STS: variants seen among roughly 807,000 people sequenced by gnomAD.
STS encodes steroid sulfatase.
A neutral mutation model predicts 26.8 loss-of-function variants in STS; 7 were observed. The ratio of observed to expected loss-of-function variants is 0.26; its 90% CI spans 0.15 to 0.49. The LOEUF is 0.49. Among genes scored for constraint, STS ranks in the 20% least tolerant of loss-of-function variants. STS has a pLI of 0.98. For missense variants in STS, 434 were observed against 465.6 expected, an observed-to-expected ratio of 0.93 and a Z score of 0.63; for synonymous variants, 199 against 189.4, an observed-to-expected ratio of 1.05 and a Z score of -0.42.
chrX:7,332,217 T>C (rs1381612744), intron 9 of STS, among the ~76,000 whole-genome samples: 2 of 108,412 alleles, frequency 1.8e-5, no homozygotes, highest in South Asian at 4.1e-4. Context: ...TGTAGTCCCA[T>C]GTACTTGGGA....
At chrX:7,269,639 A>G (rs1210443031) in intron 6 of STS, among the ~76,000 whole-genome samples, 1 of 110,580 alleles carries the variant, frequency 9.0e-6, no homozygotes, top group Non-Finnish European at 1.9e-5. Context: ...GGTGCCTGGT[A>G]TTGTGTGTCA....
At chrX:7,329,381 C>G (rs1196640192) in intron 9 of STS, among the ~76,000 whole-genome samples, 4 of 111,821 alleles carry the variant, frequency 3.6e-5, no homozygotes, top group Non-Finnish European at 7.5e-5. Flanking sequence ...GTGCTGACGT[C>G]GAGAAATCCT....
intron 10 of STS, among the ~76,000 whole-genome samples, chrX:7,348,837 A>G (rs995331790): frequency 1.8e-5 from 2 of 112,205 alleles, no homozygotes; most frequent in Non-Finnish European, 3.8e-5. Flanking sequence ...TAGAAAATGT[A>G]TAGAGTTGAG....
At chrX:7,279,323 G>GTGTGTGTGTGTGTGTA (rs1222931876) in intron 7 of STS, among the ~76,000 whole-genome samples, 1 of 41,706 alleles carries the variant, frequency 2.4e-5, no homozygotes, top group African/African-American at 6.9e-5. Context: ...GTGTGTGTGT[G>GTGTGTGTGTGTGTGTA]TGTGTGTGTG....
intron 6 of STS, among the ~76,000 whole-genome samples, chrX:7,270,804 A>G (rs1450796694): frequency 9.0e-6 from 1 of 111,406 alleles, no homozygotes; most frequent in Non-Finnish European, 1.9e-5. Context: ...CCTTGATTGA[A>G]CCCTGAAGCT....
chrX:7,334,701 C>T (rs1021129074), intron 10 of STS, among the ~76,000 whole-genome samples: 2 of 112,533 alleles, frequency 1.8e-5, no homozygotes, highest in Admixed American at 9.4e-5. Context: ...CTTTCCCAGC[C>T]TAAAGATGAT....
chrX:7,350,403 G>C lies in STS; in HGVS notation c.*142G>C. The C allele has an allele frequency of 1.2e-6, 1 of 864,471 alleles. No individual in the cohort carries two copies. The highest frequency in any genetic ancestry group is 2.8e-5 in the Admixed American group (1 of 35,844). 71.2% of individuals were successfully genotyped at this position (864,471 alleles called of 1,213,427 possible). A position where few individuals can be genotyped will look rare whatever the true frequency, so the allele number is the denominator to read the frequency against. ...TCTCCATTTTATCACCTGAAGGCTT[G>C]GGCCAGAGCTCAACAGCTACTCAAC... On this transcript the variant is annotated 3_prime_UTR_variant, in exon 11 of 11. Coordinates refer to ENST00000674429, the MANE Select transcript of STS (RefSeq NM_001320752.2).
intron 2 of STS, among the ~76,000 whole-genome samples, chrX:7,195,863 A>G (rs1379631957): frequency 1.8e-5 from 2 of 111,832 alleles, no homozygotes; most frequent in African/African-American, 6.5e-5. Flanking sequence ...AACAATGACA[A>G]CCATTACTTT....
chrX:7,335,575 G>C (rs1927979099), intron 10 of STS, among the ~76,000 whole-genome samples: 1 of 111,726 alleles, frequency 9.0e-6, no homozygotes, highest in South Asian at 3.8e-4. Context: ...TCACTCTGAT[G>C]GTAGTTTCTT....
At chrX:7,175,886 C>T (rs760565926) in intron 1 of STS, among the ~76,000 whole-genome samples, 1 of 110,921 alleles carries the variant, frequency 9.0e-6, no homozygotes, top group African/African-American at 3.3e-5. Flanking sequence ...TTGAATTTAC[C>T]TCCACTCTGT....
chrX:7,264,309 G>T (rs1162292355), intron 6 of STS, among the ~76,000 whole-genome samples: 1 of 112,477 alleles, frequency 8.9e-6, no homozygotes, highest in Admixed American at 9.4e-5. Flanking sequence ...GAGGAAGGAA[G>T]ACTTCAAGCT....
At chrX:7,176,488 G>A (rs1327608627) in intron 1 of STS, among the ~76,000 whole-genome samples, 1 of 111,874 alleles carries the variant, frequency 8.9e-6, no homozygotes, top group Admixed American at 9.5e-5. Flanking sequence ...ATGTCTTTGT[G>A]TATCTCTACA....
chrX:7,194,487 C>T (rs1933935313), intron 2 of STS, among the ~76,000 whole-genome samples: 2 of 111,410 alleles, frequency 1.8e-5, no homozygotes, highest in South Asian at 7.5e-4. Flanking sequence ...TAGGTCTTAG[C>T]AGAATGCAGG....
intron 8 of STS, among the ~76,000 whole-genome samples, chrX:7,318,124 G>A (rs1926800431): frequency 9.0e-6 from 1 of 111,700 alleles, no homozygotes; most frequent in African/African-American, 3.3e-5. Context: ...ATAAAGTCAC[G>A]AGTTTGAATG....
chrX:7,209,124 C>T (rs1920973873), intron 2 of STS, among the ~76,000 whole-genome samples: 4 of 111,181 alleles, frequency 3.6e-5, no homozygotes, highest in Non-Finnish European at 7.5e-5. Context: ...GTGGGCGCCT[C>T]GGGCCTGACC....
chrX:7,205,526 G>T (rs1185998025), intron 2 of STS, among the ~76,000 whole-genome samples: 2 of 111,883 alleles, frequency 1.8e-5, no homozygotes, highest in African/African-American at 3.3e-5. Context: ...AGGGGCCAAT[G>T]CAACTGTGTC....
chrX:7,297,938 G>C (rs1925745774), intron 7 of STS, among the ~76,000 whole-genome samples: 1 of 111,450 alleles, frequency 9.0e-6, no homozygotes, highest in African/African-American at 3.3e-5. Flanking sequence ...TCTCCTGCAA[G>C]AGTTTCATTT....
intron 7 of STS, among the ~76,000 whole-genome samples, chrX:7,279,303 A>T: frequency 1.4e-5 from 1 of 72,661 alleles, no homozygotes; most frequent in African/African-American, 5.3e-5. Flanking sequence ...ATATATATAT[A>T]TATATATATG....
chrX:7,173,697 T>C (rs1244862715), intron 1 of STS, among the ~76,000 whole-genome samples: 2 of 112,586 alleles, frequency 1.8e-5, no homozygotes, highest in African/African-American at 6.4e-5. Flanking sequence ...ATCTGTGATG[T>C]TGAGCTTTTT....
Sources: gnomAD v4.1 joint callset for allele counts (sites outside exome capture counted in the v4.1 genomes callset) on GRCh38, gnomAD v4.1.1 for gene constraint, MANE v1.5 for transcripts, NCBI Gene and HGNC (gene_info 2026-07-23, HGNC 2026-07-21) for gene names.